The following SAMMSON variants were observed in gnomAD, a reference collection of about 807,000 sequenced individuals.
SAMMSON encodes long intergenic non-protein coding RNA 1212.
intron 4 of SAMMSON, among the ~76,000 whole-genome samples, chr3:70,148,316 A>G (rs1448899836): frequency 6.6e-6 from 1 of 152,108 alleles, no homozygotes; most frequent in Admixed American, 6.6e-5. Context: ...TTCACACAAG[A>G]AACTACACAT....
intron 4 of SAMMSON, among the ~76,000 whole-genome samples, chr3:70,148,159 C>T (rs1039176087): frequency 1.3e-5 from 2 of 152,082 alleles, no homozygotes; most frequent in Non-Finnish European, 1.5e-5. Context: ...TGTGGAGCAA[C>T]TGGAATTTTC....
At chr3:70,104,674 T>A (rs1376684791) in intron 4 of SAMMSON, among the ~76,000 whole-genome samples, 1 of 152,120 alleles carries the variant, frequency 6.6e-6, no homozygotes, top group Non-Finnish European at 1.5e-5. Context: ...AATGCAAAAC[T>A]GTCATAAGTT....
intron 7 of SAMMSON, among the ~76,000 whole-genome samples, chr3:70,310,917 AT>A (rs1702448669): frequency 6.6e-6 from 1 of 152,120 alleles, no homozygotes; most frequent in Non-Finnish European, 1.5e-5. Flanking sequence ...CAATTTTGTA[AT>A]TTTAGGCAAG....
chr3:70,395,007 T>C (rs1701079919), intron 2 of SAMMSON, among the ~76,000 whole-genome samples: 1 of 152,240 alleles, frequency 6.6e-6, no homozygotes, highest in Non-Finnish European at 1.5e-5. Context: ...AGTTTGGTGC[T>C]CTCTTAAATT....
At chr3:70,261,066 C>T (rs1288436782) in intron 6 of SAMMSON, among the ~76,000 whole-genome samples, 1 of 152,156 alleles carries the variant, frequency 6.6e-6, no homozygotes, top group Non-Finnish European at 1.5e-5. Flanking sequence ...AATATAAGCA[C>T]TTCAACGTTT....
intron 3 of SAMMSON, among the ~76,000 whole-genome samples, chr3:70,019,733 T>C (rs946412084): frequency 2.6e-5 from 4 of 152,200 alleles, no homozygotes; most frequent in African/African-American, 9.7e-5. Context: ...GTTGTTCCTT[T>C]CCATGTTTGT....
chr3:70,125,587 TCACAA>T, intron 4 of SAMMSON: 1 of 698,414 alleles, frequency 1.4e-6, no homozygotes, highest in Admixed American at 2.0e-5. Context: ...TATTTTTTTC[TCACAA>T]TTTTGTTTCT....
intron 4 of SAMMSON, among the ~76,000 whole-genome samples, chr3:70,145,362 G>T (rs534361471): frequency 6.6e-6 from 1 of 152,210 alleles, no homozygotes; most frequent in Non-Finnish European, 1.5e-5. Flanking sequence ...GAATCAAATT[G>T]ACGTTTTTAA....
chr3:70,123,437 A>T (rs1296842654), intron 4 of SAMMSON, among the ~76,000 whole-genome samples: 2 of 152,112 alleles, frequency 1.3e-5, no homozygotes, highest in Non-Finnish European at 2.9e-5. Context: ...CGCCTAGCTA[A>T]TTTTTGTATT....
intron 3 of SAMMSON, chr3:70,069,111 A>C (rs540476124): frequency 8.5e-5 from 13 of 152,200 alleles, no homozygotes; most frequent in African/African-American, 3.1e-4. Context: ...AGGAACCCAG[A>C]GCTCACTCCT....
intron 4 of SAMMSON, among the ~76,000 whole-genome samples, chr3:70,236,755 C>G (rs1701613756): frequency 6.6e-6 from 1 of 152,044 alleles, no homozygotes; most frequent in Non-Finnish European, 1.5e-5. Context: ...GCCACCATGG[C>G]TGGCTAATTA....
chr3:70,287,410 A>G (rs1484831965), intron 6 of SAMMSON, among the ~76,000 whole-genome samples: 1 of 151,514 alleles, frequency 6.6e-6, no homozygotes, highest in African/African-American at 2.4e-5. Context: ...GATGAAGCCC[A>G]CTTGATCATG....
intron 4 of SAMMSON, among the ~76,000 whole-genome samples, chr3:70,148,718 A>G (rs1559523404): frequency 6.6e-6 from 1 of 152,012 alleles, no homozygotes; most frequent in Non-Finnish European, 1.5e-5. Flanking sequence ...CTAGAGCAAG[A>G]ACTCACTCAC....
chr3:70,338,426 A>G (rs144076068), intron 7 of SAMMSON, among the ~76,000 whole-genome samples: 1 of 152,150 alleles, frequency 6.6e-6, no homozygotes, highest in Non-Finnish European at 1.5e-5. Context: ...AGAAAGAAAT[A>G]AAGGGTATTC....
intron 4 of SAMMSON, among the ~76,000 whole-genome samples, chr3:70,077,909 G>A (rs748115641): frequency 1.3e-5 from 2 of 152,150 alleles, no homozygotes; most frequent in Non-Finnish European, 2.9e-5. Context: ...GCAACTGCCA[G>A]TCTTCTACTG....
intron 9 of SAMMSON, among the ~76,000 whole-genome samples, chr3:70,381,520 A>G (rs1703068185): frequency 6.6e-6 from 1 of 152,196 alleles, no homozygotes; most frequent in Admixed American, 6.6e-5. Flanking sequence ...ATGAACCTTC[A>G]TGTGCCCACT....
chr3:70,362,045 G>A lies in SAMMSON; in HGVS notation n.913+3721G>A, dbSNP rs1575633704. Among the ~76,000 whole-genome samples the A allele has an allele frequency of 3.3e-5, 5 of 152,166 alleles. No homozygotes were observed. In the South Asian group the frequency reaches 1.0e-3, roughly 32 times the overall value. On this transcript the variant is annotated intron_variant and non_coding_transcript_variant, in intron 9 of 9. Transcript: ENST00000642114. ...TACACCTTGGCTGTTGTCTACAGGG[G>A]ATAAAGATATGCAAACCATCATTTA...
chr3:70,428,424 A>G (rs929749792), intron 2 of SAMMSON, among the ~76,000 whole-genome samples: 3 of 152,210 alleles, frequency 2.0e-5, no homozygotes, highest in African/African-American at 4.8e-5. Context: ...CCACAAATAC[A>G]TGCACATTTA....
At chr3:70,044,048 T>G (rs1424706150) in intron 3 of SAMMSON, among the ~76,000 whole-genome samples, 1 of 152,072 alleles carries the variant, frequency 6.6e-6, no homozygotes, top group Non-Finnish European at 1.5e-5. Flanking sequence ...CCTACGAATT[T>G]TGGCAGATGC....
Sources: allele counts gnomAD v4.1 joint callset (sites outside exome capture counted in the v4.1 genomes callset), GRCh38; gene constraint gnomAD v4.1.1; transcripts MANE v1.5; gene names NCBI Gene and HGNC (gene_info 2026-07-23, HGNC 2026-07-21).